The following ANKRD45 variants were observed in gnomAD, a reference collection of about 807,000 sequenced individuals.
ANKRD45 encodes the protein ankyrin repeat domain-containing protein 45.
Under a neutral mutation model 28.1 loss-of-function variants are expected in ANKRD45, and 21 were observed. That is an observed-to-expected ratio of 0.75 (90% confidence interval 0.53 to 1.08). ANKRD45 has a LOEUF of 1.08. ANKRD45 is among the 50% of genes least tolerant of loss of function. The probability of loss-of-function intolerance (pLI) is 0.00; values close to 1 mark genes in which losing one functional copy is unlikely to be tolerated. For synonymous variants in ANKRD45, 86 were observed against 103.9 expected (o/e 0.83, Z 1.05); for missense variants, 261 against 308.7 (o/e 0.85, Z 1.16).
rs182650141 is a variant in ANKRD45 at position 173,613,969 on chromosome 1, C to T, written c.731-3754G>A. 4.8e-3 allele frequency among the ~76,000 whole-genome samples: 724 copies of T among 152,200 alleles called. 27 individuals carry two copies. The highest frequency in any genetic ancestry group is 0.042 in the Admixed American group (640 of 15,288). On this transcript the variant is annotated intron_variant, in intron 5 of 5. Coordinates refer to ENST00000333279, the MANE Select transcript of ANKRD45 (RefSeq NM_198493.3). Reference sequence around the variant, plus strand: ...GGGATGCTTTGACCTATGACCTTACCCCCAACCCTGTGCTCTCTGAAACAT... The same window carrying T: ...GGGATGCTTTGACCTATGACCTTACTCCCAACCCTGTGCTCTCTGAAACAT...
chr1:173,675,696 A>G, the ANKRD45 span, among the ~76,000 whole-genome samples: 2 of 152,238 alleles, frequency 1.3e-5, no homozygotes, highest in East Asian at 3.8e-4. Flanking sequence ...AGGCAAGACT[A>G]GAATCTAACA....
chr1:173,611,612 CACACACACAA>C (rs749189275), intron 5 of ANKRD45, among the ~76,000 whole-genome samples: 20,333 of 137,594 alleles, frequency 0.15, 1,510 homozygotes, highest in Middle Eastern at 0.28. Context: ...CACACACACA[CACACACACAA>C]TAAAAATATA....
chr1:173,625,286 T>C (rs1667883504), intron 4 of ANKRD45, among the ~76,000 whole-genome samples: 1 of 152,150 alleles, frequency 6.6e-6, no homozygotes, highest in Non-Finnish European at 1.5e-5. Context: ...ACTTTCTCCC[T>C]AATTCTTTAT....
chr1:173,680,385 G>A, the ANKRD45 span, among the ~76,000 whole-genome samples: 9 of 152,080 alleles, frequency 5.9e-5, no homozygotes, highest in African/African-American at 1.7e-4. Flanking sequence ...CCACGTCCTT[G>A]GCAGGGACAT....
chr1:173,631,466 C>A (rs527574195), intron 3 of ANKRD45, among the ~76,000 whole-genome samples: 1 of 152,194 alleles, frequency 6.6e-6, no homozygotes, highest in East Asian at 1.9e-4. Flanking sequence ...CGGACTTAAT[C>A]TACACTACAG....
intron 3 of ANKRD45, among the ~76,000 whole-genome samples, chr1:173,644,828 AC>A (rs1177202803): frequency 6.6e-6 from 1 of 152,106 alleles, no homozygotes; most frequent in African/African-American, 2.4e-5. Flanking sequence ...CCCTGTCTCT[AC>A]TTAAAATATA....
chr1:173,635,487 A>G, intron 3 of ANKRD45: 18 of 1,439,624 alleles, frequency 1.3e-5, no homozygotes, highest in Non-Finnish European at 1.6e-5. Context: ...AAATAGCTAA[A>G]TTTTAGCTAC....
At chr1:173,618,433 T>G (rs1667558893) in intron 5 of ANKRD45, among the ~76,000 whole-genome samples, 1 of 152,152 alleles carries the variant, frequency 6.6e-6, no homozygotes, top group Non-Finnish European at 1.5e-5. Flanking sequence ...ATAGCCAGTT[T>G]AGAGGGGAGC....
the ANKRD45 span, among the ~76,000 whole-genome samples, chr1:173,705,391 T>A: frequency 1.3e-5 from 2 of 151,232 alleles, no homozygotes; most frequent in East Asian, 3.9e-4. Context: ...CGGCCGAGCA[T>A]GGTGGCTCAT....
At chr1:173,701,197 T>A in the ANKRD45 span, among the ~76,000 whole-genome samples, 10 of 152,164 alleles carry the variant, frequency 6.6e-5, no homozygotes, top group African/African-American at 2.4e-4. Flanking sequence ...GTGGAGAAAT[T>A]GGAACACTTT....
At chr1:173,675,599 G>A in the ANKRD45 span, among the ~76,000 whole-genome samples, 2 of 152,040 alleles carry the variant, frequency 1.3e-5, no homozygotes, top group Non-Finnish European at 2.9e-5. Flanking sequence ...GGGGAACAGA[G>A]GGAGACTCTG....
chr1:173,640,409 C>T (rs979776066), intron 3 of ANKRD45, among the ~76,000 whole-genome samples: 3 of 151,844 alleles, frequency 2.0e-5, no homozygotes, highest in African/African-American at 4.8e-5. Context: ...GACTGCCGTC[C>T]GCACAGCTGA....
intron 2 of ANKRD45, among the ~76,000 whole-genome samples, chr1:173,650,609 A>G (rs1669161676): frequency 6.6e-6 from 1 of 152,220 alleles, no homozygotes; most frequent in Non-Finnish European, 1.5e-5. Flanking sequence ...ACCCTTGGGT[A>G]TATACCCAGT....
intron 2 of ANKRD45, among the ~76,000 whole-genome samples, chr1:173,656,031 AG>A (rs1027731233): frequency 2.0e-5 from 3 of 152,200 alleles, no homozygotes; most frequent in African/African-American, 7.2e-5. Flanking sequence ...TGGCTAGGAA[AG>A]GGAAATCCCC....
At chr1:173,705,706 G>T in the ANKRD45 span, among the ~76,000 whole-genome samples, 1 of 151,964 alleles carries the variant, frequency 6.6e-6, no homozygotes, top group African/African-American at 2.4e-5. Context: ...TTGCTTAAGT[G>T]AATTTTTTAA....
At position 173,608,561 on chromosome 1, in the gene ANKRD45, C is replaced by T. The variant is rs1391417166; in HGVS notation, c.*1584G>A. On this transcript the variant is annotated 3_prime_UTR_variant, in exon 6 of 6. Coordinates refer to ENST00000333279, the MANE Select transcript of ANKRD45 (RefSeq NM_198493.3). ...CTCAAACCGCTGACCTCAGGTGATC[C>T]GCCTGCCTTGGCCTCCCAAAGTTCT... is the stretch of plus-strand genomic sequence containing the variant. Among the ~76,000 whole-genome samples the T allele has an allele frequency of 3.3e-5, 5 of 151,832 alleles. No individual in the cohort carries two copies. Among genetic ancestry groups the T allele is most frequent in the Non-Finnish European group, 4.4e-5 (3 of 67,990 alleles).
intron 5 of ANKRD45, among the ~76,000 whole-genome samples, chr1:173,615,754 GCATTATCTATAATAGC>G (rs1667435479): frequency 6.6e-6 from 1 of 152,116 alleles, no homozygotes; most frequent in African/African-American, 2.4e-5. Context: ...GTTCATTGCA[GCATTATCTATAATAGC>G]CAAAAGAGTG....
chr1:173,660,031 A>G (rs1445776209), intron 1 of ANKRD45, among the ~76,000 whole-genome samples: 1 of 152,236 alleles, frequency 6.6e-6, no homozygotes, highest in Non-Finnish European at 1.5e-5. Context: ...GAGAAATGCT[A>G]TGGGAGTTTA....
intron 3 of ANKRD45, among the ~76,000 whole-genome samples, chr1:173,633,244 A>G (rs1230299056): frequency 1.3e-5 from 2 of 152,064 alleles, no homozygotes; most frequent in Non-Finnish European, 2.9e-5. Flanking sequence ...CTCCATTTAC[A>G]ATACATACAA....
Sources: allele counts gnomAD v4.1 joint callset (sites outside exome capture counted in the v4.1 genomes callset), GRCh38; gene constraint gnomAD v4.1.1; transcripts MANE v1.5; gene names NCBI Gene and HGNC (gene_info 2026-07-23, HGNC 2026-07-21).